Variants in MYH14 observed in about 807,000 individuals in gnomAD.
MYH14 encodes the protein myosin-14.
A neutral mutation model predicts 255.5 loss-of-function variants in MYH14; 123 were observed. The observed-to-expected ratio is 0.48, with a 90% CI of 0.42 to 0.56. MYH14 has a LOEUF of 0.56. MYH14 is among the 20% of genes least tolerant of loss of function. The pLI, the probability that MYH14 is intolerant of heterozygous loss-of-function variation, is 0.00. For synonymous variants in MYH14, 1,095 were observed against 1,161.2 expected, an observed-to-expected ratio of 0.94 and a Z score of 1.16; for missense variants, 2,423 against 2,802.3, an observed-to-expected ratio of 0.86 and a Z score of 3.06.
rs114919541 is a variant in MYH14, at chr19:50,254,601, C to T, written c.1946-619C>T. Among the ~76,000 whole-genome samples the T allele has an allele frequency of 2.2e-3, 332 of 152,242 alleles. 2 individuals carry two copies. Among genetic ancestry groups the T allele is most frequent in the African/African-American group, 7.6e-3 (317 of 41,562 alleles). ...TGCAAAACCTCCTGGCTCAGCCTCC[C>T]GAGTAGCTGGGGAGCTGCCATAATG... On this transcript the variant is annotated intron_variant, in intron 16 of 42. Coordinates refer to ENST00000642316, the MANE Select transcript of MYH14 (RefSeq NM_001145809.2).
chr19:50,231,867 A>G, intron 9 of MYH14, 63 bp from the exon 10 acceptor site: 1 of 1,601,614 alleles, frequency 6.2e-7, no homozygotes, highest in Non-Finnish European at 8.5e-7. Flanking sequence ...CCACCGATGA[A>G]TCCAGGATGA....
intron 5 of MYH14, 101 bp from the exon 6 acceptor site, chr19:50,224,052 AC>A (rs2032978838): frequency 5.5e-6 from 2 of 362,138 alleles, no homozygotes; most frequent in Non-Finnish European, 4.5e-6. Flanking sequence ...CCCTTCCCCC[AC>A]CCCCCATGCC....
chr19:50,260,743 G>A, intron 20 of MYH14, 28 bp downstream of exon 20: 1 of 1,468,450 alleles, frequency 6.8e-7, no homozygotes, highest in Non-Finnish European at 9.2e-7. Context: ...TGGAATGCGT[G>A]TGTGCGTGTG....
chr19:50,275,470 C>T (rs1045118871), intron 27 of MYH14, among the ~76,000 whole-genome samples: 1 of 152,212 alleles, frequency 6.6e-6, no homozygotes, highest in Non-Finnish European at 1.5e-5. Context: ...CAGGAACTTA[C>T]TAAGTGTCTC....
At chr19:50,253,771 G>A (rs922717326) in intron 16 of MYH14, among the ~76,000 whole-genome samples, 3 of 152,146 alleles carry the variant, frequency 2.0e-5, no homozygotes, top group African/African-American at 7.2e-5. Context: ...CCCATCCTTA[G>A]AGGAGGTTTG....
At chr19:50,244,141 A>G in intron 10 of MYH14, 101 bp from the exon 11 acceptor site, 1 of 937,084 alleles carries the variant, frequency 1.1e-6, no homozygotes, top group Non-Finnish European at 1.7e-6. Flanking sequence ...GGGTGGTGAT[A>G]TAATTTGCCT....
intron 10 of MYH14, among the ~76,000 whole-genome samples, chr19:50,243,371 G>A (rs2033966713): frequency 6.6e-6 from 1 of 152,068 alleles, no homozygotes; most frequent in Admixed American, 6.6e-5. Flanking sequence ...GGGAGGTGGA[G>A]GTTGCAGTGA....
intron 18 of MYH14, among the ~76,000 whole-genome samples, chr19:50,258,280 G>A (rs1019698364): frequency 2.0e-5 from 3 of 152,088 alleles, no homozygotes; most frequent in East Asian, 1.9e-4. Context: ...CCCCACTAGC[G>A]TCTCTGAAGT....
intron 10 of MYH14, among the ~76,000 whole-genome samples, chr19:50,232,881 G>A (rs1219105912): frequency 2.0e-5 from 3 of 152,024 alleles, no homozygotes; most frequent in Admixed American, 6.6e-5. Flanking sequence ...AGTCTCAAAC[G>A]CCAGCCTAGG....
At chr19:50,211,052 G>A (rs532559354) in intron 2 of MYH14, among the ~76,000 whole-genome samples, 2 of 152,124 alleles carry the variant, frequency 1.3e-5, no homozygotes, top group Non-Finnish European at 2.9e-5. Context: ...AGCTCATCCC[G>A]AGTTTTAAGG....
intron 20 of MYH14, 72 bp downstream of exon 20, chr19:50,260,787 G>T: frequency 3.4e-6 from 4 of 1,167,334 alleles, no homozygotes; most frequent in African/African-American, 3.1e-5. Context: ...GTGCATGTGT[G>T]TGTGCATGCA....
At chr19:50,261,702 T>C in intron 21 of MYH14, 67 bp downstream of exon 21, 1 of 1,432,724 alleles carries the variant, frequency 7.0e-7, no homozygotes, top group Non-Finnish European at 9.3e-7. Context: ...GTTGACCAGA[T>C]GGCTCTAGGT....
At position 50,257,454 on chromosome 19, in the gene MYH14, G is replaced by C. The variant is rs2034634206; in HGVS notation, c.2200G>C (p.Val734Leu). The change falls in exon 18 of 43, where the codon GTC (valine) becomes CTC (leucine). Residue 734 changes from valine to leucine, a missense_variant. Val to Leu is a conservative substitution (Grantham distance 32). This residue lies in a region of MYH14 where 672 missense variants were observed against 881.8 expected (regional missense o/e 0.76). Coordinates refer to ENST00000642316, the MANE Select transcript of MYH14 (RefSeq NM_001145809.2). ...ACTCAGCAACACCAACCCCAGTTTT[G>C]TCCGCTGCATTGTCCCCAACCACGA... is the stretch of plus-strand genomic sequence containing the variant. Reference protein sequence around the residue: ...ATLSNTNPSFVRCIVPNHEKR... With the variant: ...ATLSNTNPSFLRCIVPNHEKR... 1 of 1,607,420 alleles carries C rather than the reference G, an allele frequency of 6.2e-7. No individual in the cohort carries two copies. Among genetic ancestry groups the C allele is most frequent in the African/African-American group, 1.3e-5 (1 of 74,960 alleles).
At chr19:50,239,606 G>C (rs183316163) in intron 10 of MYH14, among the ~76,000 whole-genome samples, 1 of 151,886 alleles carries the variant, frequency 6.6e-6, no homozygotes, top group African/African-American at 2.4e-5. Context: ...TTGGAGTGCA[G>C]TGGCCCGATC....
intron 39 of MYH14, among the ~76,000 whole-genome samples, chr19:50,300,902 T>C (rs1367473471): frequency 6.6e-6 from 1 of 151,690 alleles, no homozygotes; most frequent in Non-Finnish European, 1.5e-5. Context: ...ACGGCTGTGC[T>C]CCAGCCTGGG....
intron 27 of MYH14, among the ~76,000 whole-genome samples, chr19:50,275,363 G>A (rs774343735): frequency 2.6e-5 from 4 of 152,202 alleles, no homozygotes; most frequent in South Asian, 2.1e-4. Flanking sequence ...TCACGGACCC[G>A]GTAACCTCGG....
intron 1 of MYH14, among the ~76,000 whole-genome samples, chr19:50,209,374 G>A (rs546800177): frequency 6.6e-6 from 1 of 152,102 alleles, no homozygotes; most frequent in South Asian, 2.1e-4. Flanking sequence ...CTGGCCAGGA[G>A]TGGTGGCTCA....
At chr19:50,208,325 G>T (rs902250487) in intron 1 of MYH14, among the ~76,000 whole-genome samples, 6 of 152,150 alleles carry the variant, frequency 3.9e-5, no homozygotes, top group Admixed American at 2.6e-4. Context: ...TGAGGCAGGA[G>T]AATCTCTTGA....
At chr19:50,218,097 A>G (rs1248558597) in intron 3 of MYH14, among the ~76,000 whole-genome samples, 1 of 151,900 alleles carries the variant, frequency 6.6e-6, no homozygotes, top group East Asian at 2.0e-4. Flanking sequence ...CCTGGGCTCA[A>G]GCGATTCTCG....
Sources: gnomAD v4.1 joint callset for allele counts (sites outside exome capture counted in the v4.1 genomes callset) on GRCh38, gnomAD v4.1.1 for gene constraint, gnomAD v4.1.1 regional missense constraint, MANE v1.5 for transcripts, NCBI Gene and HGNC (gene_info 2026-07-23, HGNC 2026-07-21) for gene names.